The following OCM2 variants were observed in gnomAD, a reference collection of about 807,000 sequenced individuals.
The protein encoded by OCM2 is oncomodulin-2.
OCM2 carries 6 observed loss-of-function variants against 13.6 expected under a neutral mutation model. The ratio of observed to expected loss-of-function variants is 0.44; its 90% CI spans 0.24 to 0.87. The LOEUF (loss-of-function observed/expected upper bound fraction) is 0.87, where lower values mean the gene tolerates loss of function less well. Ranked by LOEUF, OCM2 falls within the 40% of genes least tolerant of loss-of-function variation. The pLI is 0.22. For synonymous variants in OCM2, 40 were observed against 50.7 expected (o/e 0.79, Z 0.90); for missense variants, 118 against 136.8 (o/e 0.86, Z 0.68).
At chr7:97,988,479 A>C (rs767140076) in exon 2 of OCM2, 57 of 1,614,018 alleles carry the variant, frequency 3.5e-5, no homozygotes, top group Non-Finnish European at 4.7e-5. Context: ...AACATCCTTC[A>C]CCTGACTGGC....
chr7:97,986,887 G>A (rs1436229321), intron 3 of OCM2, among the ~76,000 whole-genome samples, 160 bp downstream of exon 3: 1 of 152,048 alleles, frequency 6.6e-6, no homozygotes, highest in African/African-American at 2.4e-5. Context: ...CACATCATTT[G>A]CATCCTTACT....
chr7:97,985,228 G>T (rs1299414384), intron 3 of OCM2, among the ~76,000 whole-genome samples: 1 of 152,028 alleles, frequency 6.6e-6, no homozygotes, highest in East Asian at 1.9e-4. Flanking sequence ...AAACCATCCT[G>T]GCCAAAATGG....
chr7:97,987,509 C>G (rs1584170434), intron 2 of OCM2, among the ~76,000 whole-genome samples: 3 of 151,800 alleles, frequency 2.0e-5, no homozygotes. Flanking sequence ...CCATGCCCCA[C>G]TAACATTTGT....
In OCM2 at chr7:97,987,919, C is replaced by T. The variant is rs541998582; in HGVS notation, c.194+497G>A. Among the ~76,000 whole-genome samples, 6 of 152,164 alleles carry T rather than the reference C, an allele frequency of 3.9e-5. 1 individual carries two copies. The highest frequency in any genetic ancestry group is 1.9e-4 in the East Asian group (1 of 5,156). On this transcript the variant is annotated intron_variant, in intron 2 of 3. Coordinates refer to ENST00000257627, the Ensembl canonical transcript of OCM2. ...ATGAAAGAATCTTTGCGGCTGGGCA[C>T]GGTGGCTCACACCTGTAATCCCAGC...
chr7:97,988,970 C>CA (rs1794701618), intron 1 of OCM2, among the ~76,000 whole-genome samples: 1 of 142,522 alleles, frequency 7.0e-6, no homozygotes, highest in East Asian at 2.1e-4. Context: ...CTCACTCTGT[C>CA]GCCAGGCTGG....
chr7:97,987,898 A>C (rs144785746), intron 2 of OCM2, among the ~76,000 whole-genome samples: 61 of 152,180 alleles, frequency 4.0e-4, no homozygotes, highest in African/African-American at 1.3e-3. Flanking sequence ...CCTTACATGA[A>C]AGAATCTTTG....
intron 1 of OCM2, 24 bp downstream of exon 1, chr7:97,990,020 A>T: frequency 2.3e-5 from 15 of 644,608 alleles, no homozygotes; most frequent in African/African-American, 4.1e-5. Flanking sequence ...AGGAAATCCC[A>T]CCCCCGCCCC....
chr7:97,989,942 G>T (rs761205093), intron 1 of OCM2, 102 bp downstream of exon 1: 41 of 1,173,250 alleles, frequency 3.5e-5, no homozygotes, highest in Non-Finnish European at 4.1e-5. Flanking sequence ...ACAGGCGTGA[G>T]CCACTGCGTC....
chr7:97,989,561 C>T (rs1049745587), intron 1 of OCM2, among the ~76,000 whole-genome samples: 4 of 151,656 alleles, frequency 2.6e-5, no homozygotes, highest in Non-Finnish European at 4.4e-5. Context: ...CACCATGCCC[C>T]GCTAGTTTTT....
In OCM2 at chr7:97,988,565, G is replaced by A. The variant is rs745371645; in HGVS notation, c.62-17C>T. The A allele has an allele frequency of 1.9e-6, 3 of 1,614,038 alleles. No homozygotes were observed. The East Asian group carries it at 6.7e-5, about 36-fold the overall frequency. ...TGTCTGGGTCTGAAGAACAGAGAAT[G>A]GGTTATTCTGACACTCATTGGATCA... On this transcript the variant is annotated splice_polypyrimidine_tract_variant and intron_variant, in intron 1 of 3. Coordinates refer to ENST00000257627, the Ensembl canonical transcript of OCM2.
intron 1 of OCM2, 28 bp downstream of exon 1, chr7:97,990,016 T>TGGGCC: frequency 1.0e-5 from 11 of 1,083,828 alleles, no homozygotes; most frequent in Non-Finnish European, 1.5e-5. Flanking sequence ...TGTGAGGAAA[T>TGGGCC]CCCACCCCCG....
At chr7:97,987,839 C>T (rs745857128) in intron 2 of OCM2, among the ~76,000 whole-genome samples, 4 of 152,122 alleles carry the variant, frequency 2.6e-5, no homozygotes, top group African/African-American at 7.2e-5. Flanking sequence ...TGAGCCACCG[C>T]GCTTAGCCAA....
chr7:97,987,821 T>A (rs1794687153), intron 2 of OCM2, among the ~76,000 whole-genome samples: 1 of 152,176 alleles, frequency 6.6e-6, no homozygotes, highest in African/African-American at 2.4e-5. Flanking sequence ...TAGCTGGAAT[T>A]ACAGGCGTGA....
chr7:97,989,989 C>T (rs562889236), intron 1 of OCM2, 55 bp downstream of exon 1: 10 of 1,585,126 alleles, frequency 6.3e-6, no homozygotes, highest in East Asian at 4.5e-5. Flanking sequence ...TGTGTTGCCT[C>T]GCTGGAGGGG....
exon 1 of OCM2, chr7:97,990,158 G>C: frequency 6.5e-7 from 1 of 1,536,766 alleles, no homozygotes; most frequent in South Asian, 1.1e-5. Flanking sequence ...AAACAGGAAC[G>C]TGCACATCCA....
intron 2 of OCM2, 89 bp from the exon 3 acceptor site, chr7:97,987,245 T>C: frequency 6.7e-7 from 1 of 1,487,808 alleles, no homozygotes. Flanking sequence ...GCATATCATC[T>C]GTTTCCAGCA....
At position 97,988,143 on chromosome 7, in the gene OCM2, A is replaced by G. The variant is rs1794690465; in HGVS notation, c.194+273T>C. On this transcript the variant is annotated intron_variant, in intron 2 of 3. Transcript: ENST00000257627. ...AAGGCGGAGGCTGCAGGGAGCTGAGATCACCCCACTGCACTCCAGCCTGGG... is the reference window on the plus strand; with the variant it reads ...AAGGCGGAGGCTGCAGGGAGCTGAGGTCACCCCACTGCACTCCAGCCTGGG... 3.3e-5 allele frequency among the ~76,000 whole-genome samples: 5 copies of G among 151,876 alleles called. No homozygotes were observed. The South Asian group carries it at 1.0e-3, about 32-fold the overall frequency.
chr7:97,990,131 G>A (rs1219604468), exon 1 of OCM2: 5 of 1,589,594 alleles, frequency 3.1e-6, no homozygotes, highest in African/African-American at 1.4e-5. Flanking sequence ...CAGAATAAAC[G>A]AGAGGCGATA....
At chr7:97,987,920 G>C (rs370063643) in intron 2 of OCM2, among the ~76,000 whole-genome samples, 2 of 152,148 alleles carry the variant, frequency 1.3e-5, no homozygotes, top group Middle Eastern at 3.4e-3. Context: ...GGCTGGGCAC[G>C]GTGGCTCACA....
Sources: allele counts gnomAD v4.1 joint callset (sites outside exome capture counted in the v4.1 genomes callset), GRCh38; gene constraint gnomAD v4.1.1; transcripts MANE v1.5; gene names NCBI Gene and HGNC (gene_info 2026-07-23, HGNC 2026-07-21).